DNAH8: variants seen among roughly 807,000 people sequenced by gnomAD.
DNAH8 encodes the protein axonemal beta dynein heavy chain 8.
In DNAH8, 382 loss-of-function variants were observed where a neutral mutation model predicts 562.1. The ratio of observed to expected loss-of-function variants is 0.68; its 90% CI spans 0.63 to 0.74. The LOEUF is 0.74. Among genes scored for constraint, DNAH8 ranks in the 30% least tolerant of loss-of-function variants. DNAH8 has a pLI of 0.00. For synonymous variants in DNAH8, 1,881 were observed against 1,919.4 expected, an observed-to-expected ratio of 0.98 and a Z score of 0.52; for missense variants, 5,203 against 5,620.4, an observed-to-expected ratio of 0.93 and a Z score of 2.37.
chr6:38,984,168 G>C (rs952344715), intron 86 of DNAH8, 38 bp from the exon 87 acceptor site: 1 of 1,236,186 alleles, frequency 8.1e-7, no homozygotes, highest in Non-Finnish European at 1.2e-6. Flanking sequence ...GATGTGTTTG[G>C]GTTGACAATT....
chr6:38,915,287 T>A lies in DNAH8; in HGVS notation c.10050T>A (p.Ile3350=), dbSNP rs764914010. Residue 3350 remains isoleucine (I), a synonymous_variant, in exon 68 of 93, where the codon ATT becomes ATA. Coordinates refer to ENST00000327475, the MANE Select transcript of DNAH8 (RefSeq NM_001206927.2). ...VQEVKDKAQK[I]VDEIDSEKVK... is the part of the protein sequence containing the mutation. ...AGGTAAAGGACAAAGCCCAAAAAAT[T>A]GTGGATGAAATTGATAGTGAAAAAG... The A allele has an allele frequency of 1.2e-6, 2 of 1,610,740 alleles. No homozygotes were observed. Among genetic ancestry groups the A allele is most frequent in the South Asian group, 2.2e-5 (2 of 90,430 alleles).
Position 38,926,265 on chromosome 6 carries a change from A to C in DNAH8, c.11118+55A>C, listed in dbSNP as rs1782114666. Reference sequence around the variant, plus strand: ...ATCTTGAAATCATGAAACTCTTTCAAAATTTTGATTGAATCTGCAGTCATA... The same window carrying C: ...ATCTTGAAATCATGAAACTCTTTCACAATTTTGATTGAATCTGCAGTCATA... On this transcript the variant is annotated intron_variant, in intron 74 of 92. Coordinates refer to ENST00000327475, the MANE Select transcript of DNAH8 (RefSeq NM_001206927.2). 4.4e-6 allele frequency: 7 copies of C among 1,577,148 alleles called. No homozygotes were observed. In the Middle Eastern group the frequency reaches 5.6e-4, roughly 126 times the overall value.
chr6:38,814,023 G>T, intron 24 of DNAH8, 31 bp from the exon 25 acceptor site: 2 of 1,447,492 alleles, frequency 1.4e-6, no homozygotes, highest in Non-Finnish European at 1.9e-6. Context: ...TTAGGGTAAG[G>T]TTCATCAGCT....
chr6:38,840,489 T>C (rs951952131), intron 33 of DNAH8, among the ~76,000 whole-genome samples: 2 of 152,252 alleles, frequency 1.3e-5, no homozygotes, highest in Non-Finnish European at 2.9e-5. Flanking sequence ...GTTTAGGTTC[T>C]TGTTGCAAAA....
intron 66 of DNAH8, among the ~76,000 whole-genome samples, chr6:38,912,568 C>T (rs921600643): frequency 3.9e-5 from 6 of 152,140 alleles, no homozygotes; most frequent in African/African-American, 7.2e-5. Flanking sequence ...GCTTCTTCTG[C>T]GGTTTTCTCA....
rs144805357 is a variant in DNAH8 at position 38,791,666 on chromosome 6, C to T, written c.2893C>T (p.Leu965Phe). 6 of 1,613,022 alleles carry T rather than the reference C, an allele frequency of 3.7e-6. No homozygotes were observed. Among genetic ancestry groups the T allele is most frequent in the Non-Finnish European group, 4.2e-6 (5 of 1,179,746 alleles). The change falls in exon 21 of 93, where the codon CTC (leucine) becomes TTC (phenylalanine). Residue 965 changes from leucine (L) to phenylalanine (F), a missense_variant. Transcript: ENST00000327475. The part of the protein sequence containing the change: ...GATKVEDMLT[L>F]NETYTKEWAD... The stretch of plus-strand genomic sequence containing the variant: ...TACCAAAGTAGAAGATATGTTGACC[C>T]TCAATGAGGTATGCATTTGTTCATT...
At chr6:38,917,834 T>G in intron 69 of DNAH8, 91 bp from the exon 70 acceptor site, 3 of 983,134 alleles carry the variant, frequency 3.1e-6, no homozygotes, top group Non-Finnish European at 4.4e-6. Flanking sequence ...CATCTATTAC[T>G]TCTTTGAGAA....
At chr6:38,801,570 C>T (rs1214527067) in intron 21 of DNAH8, among the ~76,000 whole-genome samples, 1 of 152,206 alleles carries the variant, frequency 6.6e-6, no homozygotes, top group African/African-American at 2.4e-5. Flanking sequence ...TGTCTACTTG[C>T]TTAACACTTA....
In DNAH8 at chr6:38,985,164, T is replaced by C. The variant is rs143399955; in HGVS notation, c.13053+857T>C. Among the ~76,000 whole-genome samples the C allele has an allele frequency of 2.4e-3, 359 of 152,380 alleles. 4 individuals carry two copies. Among genetic ancestry groups the C allele is most frequent in the African/African-American group, 8.1e-3 (337 of 41,594 alleles). On this transcript the variant is annotated intron_variant, in intron 87 of 92. Coordinates refer to ENST00000327475, the MANE Select transcript of DNAH8 (RefSeq NM_001206927.2). ...CAAATAAAATCCACATATAACATGC[T>C]GATAAATATTTTCTAGAGAAAATTG...
At position 38,883,860 on chromosome 6, in the gene DNAH8, G is replaced by A. The variant is rs757897142; in HGVS notation, c.8137-16G>A. The A allele has an allele frequency of 3.9e-5, 60 of 1,532,094 alleles. No individual in the cohort carries two copies. The highest frequency in any genetic ancestry group is 5.4e-5 in the South Asian group (4 of 74,714). The allele number at this position is 1,532,094 out of a possible 1,614,324, so 94.9% of individuals were successfully genotyped here. On this transcript the variant is annotated splice_polypyrimidine_tract_variant and intron_variant, in intron 55 of 92. Transcript: ENST00000327475. ...TAAAATCTAATGCATAAGACAAAAC[G>A]TTTCCTTCTCTCTAGAGAACAATTG...
chr6:38,816,042 TTTTTATTTTATTTTATTTTG>T (rs1772235223), intron 26 of DNAH8, among the ~76,000 whole-genome samples: 1 of 147,546 alleles, frequency 6.8e-6, no homozygotes, highest in African/African-American at 2.6e-5. Context: ...ACTGGTTTCT[TTTTTATTTTATTTTATTTTG>T]TTTTATTTTA....
At chr6:38,974,658 C>T (rs1763556661) in intron 85 of DNAH8, 129 bp downstream of exon 85, 3 of 700,316 alleles carry the variant, frequency 4.3e-6, no homozygotes, top group South Asian at 1.9e-5. Context: ...CTTCATAGCA[C>T]TTTCCCCACC....
At chr6:38,754,005 G>A (rs1765698681) in intron 9 of DNAH8, among the ~76,000 whole-genome samples, 1 of 152,050 alleles carries the variant, frequency 6.6e-6, no homozygotes, top group Admixed American at 6.6e-5. Context: ...ACCAGCAATT[G>A]CTGTTTAGTT....
chr6:38,877,353 A>G (rs1778103024), intron 53 of DNAH8, among the ~76,000 whole-genome samples: 1 of 152,180 alleles, frequency 6.6e-6, no homozygotes, highest in African/African-American at 2.4e-5. Flanking sequence ...TGTTTGTGAC[A>G]TTTTCTTCCA....
At position 39,030,344 on chromosome 6, in the gene DNAH8, G is replaced by A. The variant is rs372768298; in HGVS notation, c.14076G>A (p.Pro4692=). Residue 4692 remains proline (P), a synonymous_variant, in exon 93 of 93, where the codon CCG becomes CCA. Coordinates refer to ENST00000327475, the MANE Select transcript of DNAH8 (RefSeq NM_001206927.2). ...TVVYLRTVLS[P]DHWILRGVAL... ...TATATTTACGAACAGTGTTGTCCCC[G>A]GATCACTGGATCCTGAGAGGAGTGG... The A allele has an allele frequency of 4.0e-5, 65 of 1,614,098 alleles. No individual in the cohort carries two copies. In the East Asian group the frequency reaches 4.7e-4, roughly 12 times the overall value.
intron 77 of DNAH8, among the ~76,000 whole-genome samples, chr6:38,936,024 ATTT>A (rs397958545): frequency 7.1e-6 from 1 of 140,084 alleles, no homozygotes; most frequent in Admixed American, 7.2e-5. Flanking sequence ...TGCTCAATCT[ATTT>A]TTTTTTTTTT....
In DNAH8 at chr6:38,839,770, C is replaced by T. The variant is rs538295755; in HGVS notation, c.4466+1728C>T. 7.9e-5 allele frequency among the ~76,000 whole-genome samples: 12 copies of T among 152,016 alleles called. No homozygotes were observed. The East Asian group carries it at 2.1e-3, about 27-fold the overall frequency. On this transcript the variant is annotated intron_variant, in intron 33 of 92. Transcript: ENST00000327475. ...CTCCACCTGCTGGGTTCAAGTGATTCGCCTGCCTCGGCCTCCCGAGTAGCT... is the reference window on the plus strand; with the variant it reads ...CTCCACCTGCTGGGTTCAAGTGATTTGCCTGCCTCGGCCTCCCGAGTAGCT...
rs968419305 is a variant in DNAH8, at chr6:38,842,644, T to C, written c.4605-19T>C. On this transcript the variant is annotated intron_variant, in intron 34 of 92. Coordinates refer to ENST00000327475, the MANE Select transcript of DNAH8 (RefSeq NM_001206927.2). ...TAAATGTGAAGGTGGCATATTTTTTTTCTCTTTCTTTCTGAAAGATGTCGT... is the reference window on the plus strand; with the variant it reads ...TAAATGTGAAGGTGGCATATTTTTTCTCTCTTTCTTTCTGAAAGATGTCGT... 6.2e-7 allele frequency: 1 copy of C among 1,604,434 alleles called. No homozygotes were observed. Among genetic ancestry groups the C allele is most frequent in the Admixed American group, 1.7e-5 (1 of 58,048 alleles).
intron 75 of DNAH8, among the ~76,000 whole-genome samples, chr6:38,929,874 T>C (rs1164213091): frequency 6.6e-6 from 1 of 152,120 alleles, no homozygotes; most frequent in Non-Finnish European, 1.5e-5. Context: ...AGTGTTTCCT[T>C]TTATTTTTTA....
Sources: allele counts gnomAD v4.1 joint callset (sites outside exome capture counted in the v4.1 genomes callset), GRCh38; gene constraint gnomAD v4.1.1; transcripts MANE v1.5; gene names NCBI Gene and HGNC (gene_info 2026-07-23, HGNC 2026-07-21).